FNIP1: variants seen among roughly 807,000 people sequenced by gnomAD.
The protein encoded by FNIP1 is folliculin-interacting protein 1.
In FNIP1, 40 loss-of-function variants were observed where a neutral mutation model predicts 124.5. The ratio of observed to expected loss-of-function variants is 0.32; its 90% CI spans 0.25 to 0.42. The LOEUF is 0.42. FNIP1 is among the 10% of genes least tolerant of loss of function. FNIP1 has a pLI of 1.00. For missense variants in FNIP1, 1,176 were observed against 1,403.7 expected (o/e 0.84, Z 2.59); for synonymous variants, 472 against 470.6 (o/e 1.00, Z -0.04).
At chr5:131,779,852 T>TA (rs1446167431) in intron 1 of FNIP1, among the ~76,000 whole-genome samples, 1 of 151,922 alleles carries the variant, frequency 6.6e-6, no homozygotes, top group Non-Finnish European at 1.5e-5. Context: ...GAAATCTGGG[T>TA]AATGGCAGAT....
At chr5:131,776,364 C>G (rs946013897) in intron 1 of FNIP1, among the ~76,000 whole-genome samples, 16 of 152,118 alleles carry the variant, frequency 1.1e-4, no homozygotes, top group Non-Finnish European at 2.2e-4. Context: ...ACATTCCAAA[C>G]ACAGAAATGC....
chr5:131,682,321 T>C lies in FNIP1; in HGVS notation c.1203-3146A>G, dbSNP rs116165374. Among the ~76,000 whole-genome samples, 746 of 152,308 alleles carry C rather than the reference T, an allele frequency of 4.9e-3. 9 individuals are homozygous for C. The highest frequency in any genetic ancestry group is 0.028 in the South Asian group (137 of 4,826). ...ATTATATTTGTTTAAAAGTATTATA[T>C]ATGCTATGGCCTCAGAGTGTTATCA... On this transcript the variant is annotated intron_variant, in intron 11 of 17. Transcript: ENST00000510461.
chr5:131,671,980 G>C lies in FNIP1; in HGVS notation c.2464C>G (p.Pro822Ala). 1 of 1,614,182 alleles carries C rather than the reference G, an allele frequency of 6.2e-7. No homozygotes were observed. ...NMVSEEPCELPCWNHSDPESM... is the reference protein window; with the variant it reads ...NMVSEEPCELACWNHSDPESM... ...TCTGGGTCTGAATGATTCCAACAGG[G>C]AAGTTCACAGGGCTCTTCAGAAACC... The change falls in exon 14 of 18, where the codon CCC becomes GCC. Residue 822 changes from proline (P) to alanine (A), a missense_variant. Around this residue, in one of 2 missense-constraint regions of FNIP1, gnomAD observed 1,109 missense variants for 1,288.5 expected, o/e 0.86. Coordinates refer to ENST00000510461, the MANE Select transcript of FNIP1 (RefSeq NM_133372.3).
intron 1 of FNIP1, among the ~76,000 whole-genome samples, chr5:131,776,971 T>C (rs901971503): frequency 6.6e-6 from 1 of 152,118 alleles, no homozygotes; most frequent in Non-Finnish European, 1.5e-5. Context: ...ATGGCTCATG[T>C]CTATAATCCC....
chr5:131,739,007 G>C (rs1283613937), intron 2 of FNIP1, among the ~76,000 whole-genome samples: 1 of 151,782 alleles, frequency 6.6e-6, no homozygotes, highest in Non-Finnish European at 1.5e-5. Flanking sequence ...GTAGAGACGG[G>C]GTCTTCCTAT....
chr5:131,677,751 C>T lies in FNIP1; in HGVS notation c.1471G>A (p.Asp491Asn). Residue 491 changes from aspartate to asparagine, a missense_variant, in exon 13 of 18, where the codon GAC becomes AAC. By Grantham distance (23) the Asp-to-Asn change is conservative. Coordinates refer to ENST00000510461, the MANE Select transcript of FNIP1 (RefSeq NM_133372.3). ...FLEKHSSQSV[D>N]MLAKTHPYNP... ...TATGGATGAGTCTTTGCCAACATGT[C>T]CACACTCTGAGAGGAATGCTTTTCT... 6.2e-7 allele frequency: 1 copy of T among 1,614,094 alleles called. No homozygotes were observed. The highest frequency in any genetic ancestry group is 8.5e-7 in the Non-Finnish European group (1 of 1,180,004).
chr5:131,717,960 T>A (rs940038918), intron 5 of FNIP1, among the ~76,000 whole-genome samples: 2 of 151,674 alleles, frequency 1.3e-5, no homozygotes, highest in African/African-American at 2.4e-5. Flanking sequence ...GGCAGGCAGA[T>A]CACTTGAGGT....
intron 1 of FNIP1, among the ~76,000 whole-genome samples, chr5:131,767,427 C>CAAAAAAAAAAAAAAAA (rs139550903): frequency 3.1e-4 from 20 of 64,014 alleles, no homozygotes; most frequent in African/African-American, 8.6e-4. Context: ...GATTCTGTCT[C>CAAAAAAAAAAAAAAAA]AAAAAAAAAA....
chr5:131,738,937 C>T (rs1363490072), intron 2 of FNIP1, among the ~76,000 whole-genome samples: 1 of 151,602 alleles, frequency 6.6e-6, no homozygotes, highest in African/African-American at 2.4e-5. Flanking sequence ...CTGCCTCAGT[C>T]TCCCAGTAGC....
In FNIP1 at chr5:131,652,674, G is replaced by A. The variant is rs182051714; in HGVS notation, c.3109-675C>T. On this transcript the variant is annotated intron_variant, in intron 15 of 17. Transcript: ENST00000510461. The stretch of plus-strand genomic sequence containing the variant: ...ACATTTTAAAAACAGAACAGGACAG[G>A]ACAGGACAGATGACATGGTTCACAT... 4.6e-5 allele frequency among the ~76,000 whole-genome samples: 7 copies of A among 152,222 alleles called. No homozygotes were observed. In the East Asian group the frequency reaches 1.4e-3, roughly 29 times the overall value.
chr5:131,657,293 C>T (rs751156581), intron 15 of FNIP1, among the ~76,000 whole-genome samples: 2 of 151,980 alleles, frequency 1.3e-5, no homozygotes, highest in Non-Finnish European at 2.9e-5. Flanking sequence ...TGAGCCACCA[C>T]GCCTGGCCCC....
In FNIP1 at chr5:131,730,922, G is replaced by T; in HGVS notation, c.336C>A (p.Asp112Glu). Residue 112 changes from aspartate (D) to glutamate (E), a missense_variant, in exon 3 of 18, where the codon GAC becomes GAA. Around this residue, in one of 2 missense-constraint regions of FNIP1, gnomAD observed 1,109 missense variants for 1,288.5 expected, o/e 0.86. Coordinates refer to ENST00000510461, the MANE Select transcript of FNIP1 (RefSeq NM_133372.3). ...SSVTSSSDIK[D>E]QCLKYQGSRC... is the part of the protein sequence containing the mutation. ...ATCTTACCTGGTACTTAAGACACTGGTCTTTTATATCAGAAGATGAAGTCA... is the reference window on the plus strand; with the variant it reads ...ATCTTACCTGGTACTTAAGACACTGTTCTTTTATATCAGAAGATGAAGTCA... 1.9e-6 allele frequency: 3 copies of T among 1,604,956 alleles called. No individual in the cohort carries two copies. The highest frequency in any genetic ancestry group is 2.6e-6 in the Non-Finnish European group (3 of 1,176,438).
rs945530543 is a variant in FNIP1, at chr5:131,710,812, TC to T, written c.623-152del. Reference sequence around the variant, plus strand: ...ACTAAATAAGAATTCAAGCTGTCTTTCCCATTTTTGAAACAGGATGGTGTTT... The same window carrying T: ...ACTAAATAAGAATTCAAGCTGTCTTTCCATTTTTGAAACAGGATGGTGTTT... On this transcript the variant is annotated intron_variant, in intron 6 of 17. Transcript: ENST00000510461. The T allele has an allele frequency of 1.7e-5, 10 of 571,890 alleles. No individual in the cohort carries two copies. The African/African-American group carries it at 1.9e-4, about 11-fold the overall frequency. The allele number at this position is 571,890 out of a possible 1,614,324, so 35.4% of individuals were successfully genotyped here. A position where few individuals can be genotyped will look rare whatever the true frequency, so the allele number is the denominator to read the frequency against.
At position 131,730,886 on chromosome 5, in the gene FNIP1, T is replaced by A; in HGVS notation, c.354+18A>T. ...AATTATAAATGAATGAATAAATAAA[T>A]GACATCAATGATCTTACCTGGTACT... On this transcript the variant is annotated intron_variant, in intron 3 of 17. Transcript: ENST00000510461. The A allele has an allele frequency of 6.3e-7, 1 of 1,575,674 alleles. No individual in the cohort carries two copies. Among genetic ancestry groups the A allele is most frequent in the African/African-American group, 1.4e-5 (1 of 73,240 alleles).
At chr5:131,722,016 G>C (rs1284389742) in intron 3 of FNIP1, among the ~76,000 whole-genome samples, 2 of 152,160 alleles carry the variant, frequency 1.3e-5, no homozygotes, top group African/African-American at 4.8e-5. Flanking sequence ...GGGCAGTAAT[G>C]TGCACAAATG....
At chr5:131,775,423 A>G (rs1561701820) in intron 1 of FNIP1, among the ~76,000 whole-genome samples, 1 of 150,996 alleles carries the variant, frequency 6.6e-6, no homozygotes, top group Non-Finnish European at 1.5e-5. Context: ...GTGTAACAGT[A>G]AGGATAATAA....
Position 131,677,735 on chromosome 5 carries a change from G to A in FNIP1, c.1487C>T (p.Thr496Ile). The change falls in exon 13 of 18, where the codon ACT (threonine) becomes ATT (isoleucine). Residue 496 changes from threonine to isoleucine, a missense_variant. Coordinates refer to ENST00000510461, the MANE Select transcript of FNIP1 (RefSeq NM_133372.3). ...SSQSVDMLAK[T>I]HPYNPLWAQL... ...TGCCCAAAGTGGGTTATATGGATGAGTCTTTGCCAACATGTCCACACTCTG... is the reference window on the plus strand; with the variant it reads ...TGCCCAAAGTGGGTTATATGGATGAATCTTTGCCAACATGTCCACACTCTG... The A allele has an allele frequency of 6.2e-7, 1 of 1,614,100 alleles. No homozygotes were observed. Among genetic ancestry groups the A allele is most frequent in the Non-Finnish European group, 8.5e-7 (1 of 1,179,976 alleles).
At chr5:131,654,704 T>C (rs921607164) in intron 15 of FNIP1, among the ~76,000 whole-genome samples, 3 of 152,104 alleles carry the variant, frequency 2.0e-5, no homozygotes, top group Non-Finnish European at 4.4e-5. Flanking sequence ...GACTATGACA[T>C]TGAAGTGTAT....
chr5:131,767,566 T>C (rs1320573736), intron 1 of FNIP1, among the ~76,000 whole-genome samples: 4 of 151,972 alleles, frequency 2.6e-5, no homozygotes, highest in East Asian at 1.9e-4. Flanking sequence ...TCCTTCCAGA[T>C]TGACAACTGG....
Sources: allele counts gnomAD v4.1 joint callset (sites outside exome capture counted in the v4.1 genomes callset), GRCh38; gene constraint gnomAD v4.1.1; regional missense constraint gnomAD v4.1.1; transcripts MANE v1.5; gene names NCBI Gene and HGNC (gene_info 2026-07-23, HGNC 2026-07-21).